Variants in TCF24 observed in about 807,000 individuals in gnomAD.
TCF24 encodes the protein transcription factor 24.
TCF24 carries 5 observed loss-of-function variants against 9.3 expected under a neutral mutation model. The observed-to-expected ratio is 0.54, with a 90% CI of 0.28 to 1.13. TCF24 has a LOEUF of 1.13. Among genes scored for constraint, TCF24 ranks in the 50% most tolerant of loss-of-function variants. The pLI is 0.09. For synonymous variants in TCF24, 110 were observed against 115.8 expected (o/e 0.95, Z 0.32); for missense variants, 220 against 236.1 (o/e 0.93, Z 0.45).
At chr8:66,953,065 TC>T (rs1425454443) in intron 3 of TCF24, among the ~76,000 whole-genome samples, 1 of 142,080 alleles carries the variant, frequency 7.0e-6, no homozygotes, top group Admixed American at 7.2e-5. Context: ...CCAGTCTGTG[TC>T]TTTTAATTGG....
chr8:66,954,681 C>T lies in TCF24; in HGVS notation c.391-6517G>A, dbSNP rs1240901482. Among the ~76,000 whole-genome samples the T allele has an allele frequency of 2.0e-5, 3 of 152,220 alleles. No homozygotes were observed. In the East Asian group the frequency reaches 5.8e-4, roughly 29 times the overall value. On this transcript the variant is annotated intron_variant, in intron 3 of 3. Transcript: ENST00000563496. ...AGCAAGCCTGGGCAATGGCGGGCGCCCCTCCCCCAGCCTCGCTGCCGCCTT... is the reference window on the plus strand; with the variant it reads ...AGCAAGCCTGGGCAATGGCGGGCGCTCCTCCCCCAGCCTCGCTGCCGCCTT...
At chr8:66,953,047 C>A (rs1168286842) in intron 3 of TCF24, among the ~76,000 whole-genome samples, 4 of 138,862 alleles carry the variant, frequency 2.9e-5, no homozygotes, top group African/African-American at 1.1e-4. Flanking sequence ...GACTCTTTAT[C>A]CAATTTGCCA....
intron 3 of TCF24, among the ~76,000 whole-genome samples, chr8:66,949,950 G>T (rs1554536514): frequency 6.9e-6 from 1 of 144,196 alleles, no homozygotes; most frequent in Non-Finnish European, 1.5e-5. Flanking sequence ...TTTTGATGGG[G>T]TTGTTTGTTT....
chr8:66,954,695 C>G (rs1369361407), intron 3 of TCF24, among the ~76,000 whole-genome samples: 3 of 152,222 alleles, frequency 2.0e-5, no homozygotes, highest in East Asian at 3.9e-4. Flanking sequence ...CCCCCAGCCT[C>G]GCTGCCGCCT....
At chr8:66,962,043 C>CA (rs1301270447) in intron 1 of TCF24, 56 bp from the exon 2 acceptor site, 3 of 157,946 alleles carry the variant, frequency 1.9e-5, no homozygotes, top group African/African-American at 7.2e-5. Flanking sequence ...GCAAATTAAG[C>CA]AAAAGGTCTA....
chr8:66,946,656 A>G lies in TCF24; in HGVS notation c.*1395T>C, dbSNP rs1585938803. On this transcript the variant is annotated 3_prime_UTR_variant, in exon 4 of 4. Transcript: ENST00000563496. ...ACCTATCATCATATCTAGCAATTTA[A>G]TAAAATGTTATGAAAATCTGTAACA... is the stretch of plus-strand genomic sequence containing the variant. 2.0e-5 allele frequency: 3 copies of G among 152,308 alleles called. No homozygotes were observed. In the South Asian group the frequency reaches 6.2e-4, roughly 32 times the overall value. The allele number at this position is 152,308 out of a possible 1,614,324, so 9.4% of individuals were successfully genotyped here. A position where few individuals can be genotyped will look rare whatever the true frequency, so the allele number is the denominator to read the frequency against.
chr8:66,950,182 A>G (rs375988360), intron 3 of TCF24, among the ~76,000 whole-genome samples: 13 of 149,396 alleles, frequency 8.7e-5, no homozygotes, highest in Non-Finnish European at 1.0e-4. Flanking sequence ...GTCCTTGCCC[A>G]TGCCTATGTC....
At chr8:66,959,374 G>C (rs1369708958) in intron 3 of TCF24, among the ~76,000 whole-genome samples, 3 of 152,156 alleles carry the variant, frequency 2.0e-5, no homozygotes, top group African/African-American at 7.2e-5. Flanking sequence ...GACCATAAAA[G>C]TATAAATAGT....
intron 3 of TCF24, among the ~76,000 whole-genome samples, chr8:66,953,933 G>C (rs1230626773): frequency 1.3e-5 from 2 of 151,362 alleles, no homozygotes; most frequent in South Asian, 4.2e-4. Flanking sequence ...TCGAGCCTTG[G>C]TTTTCAGCTC....
rs1056415562 is a variant in TCF24, at chr8:66,961,582, C to G, written c.184G>C (p.Val62Leu). The G allele has an allele frequency of 5.7e-6, 8 of 1,402,552 alleles. No homozygotes were observed. Among genetic ancestry groups the G allele is most frequent in the Non-Finnish European group, 6.5e-6 (7 of 1,077,220 alleles). 86.9% of individuals were successfully genotyped at this position (1,402,552 alleles called of 1,614,324 possible). A position where few individuals can be genotyped will look rare whatever the true frequency, so the allele number is the denominator to read the frequency against. The change falls in exon 3 of 4, where the codon GTG (valine) becomes CTG (leucine). Residue 62 changes from valine to leucine, a missense_variant. Physicochemically the swap from Val to Leu is conservative, Grantham distance 32 (BLOSUM62 1). Transcript: ENST00000563496. ...AANAARERSR[V>L]QTLRHAFLEL... ...AGGAAAGCGTGCCGCAGGGTCTGCA[C>G]CCGGCTGCGCTCCCGCGCCGCATTC...
chr8:66,949,425 G>A (rs915276874), intron 3 of TCF24, among the ~76,000 whole-genome samples: 7 of 152,100 alleles, frequency 4.6e-5, no homozygotes, highest in Non-Finnish European at 8.8e-5. Context: ...CCCTACAAAG[G>A]ACATGAACTC....
intron 3 of TCF24, 54 bp downstream of exon 3, chr8:66,961,322 G>C (rs1391635033): frequency 7.2e-7 from 1 of 1,392,508 alleles, no homozygotes; most frequent in African/African-American, 1.5e-5. Flanking sequence ...TGGCAGGGCA[G>C]ATCAAGGTGT....
At chr8:66,949,133 T>C (rs1168972487) in intron 3 of TCF24, among the ~76,000 whole-genome samples, 1 of 152,172 alleles carries the variant, frequency 6.6e-6, no homozygotes, top group East Asian at 1.9e-4. Context: ...CTTTAAGTTT[T>C]AGGGTACATG....
intron 3 of TCF24, among the ~76,000 whole-genome samples, chr8:66,952,690 T>C (rs988727389): frequency 1.6e-4 from 24 of 148,536 alleles, no homozygotes; most frequent in African/African-American, 2.7e-4. Flanking sequence ...ATGTTGACAG[T>C]GGGGTGTTAA....
intron 3 of TCF24, among the ~76,000 whole-genome samples, chr8:66,952,707 C>T (rs1170545807): frequency 7.4e-5 from 11 of 147,936 alleles, no homozygotes; most frequent in African/African-American, 2.7e-4. Flanking sequence ...TTAAAGTCTC[C>T]CATTATTAAT....
intron 3 of TCF24, among the ~76,000 whole-genome samples, chr8:66,954,404 T>C (rs1814114457): frequency 6.6e-6 from 1 of 152,114 alleles, no homozygotes; most frequent in Non-Finnish European, 1.5e-5. Context: ...GTTAGGCTGC[T>C]CGGGGGTCAG....
intron 3 of TCF24, among the ~76,000 whole-genome samples, chr8:66,957,895 T>TAAAAAAAAAAAAA (rs11299517): frequency 2.3e-5 from 1 of 43,036 alleles, no homozygotes; most frequent in Admixed American, 3.5e-4. Flanking sequence ...TAAGAATTGC[T>TAAAAAAAAAAAAA]AAAAAAAAAA....
intron 3 of TCF24, among the ~76,000 whole-genome samples, chr8:66,950,418 T>C (rs1336417256): frequency 2.6e-5 from 4 of 152,048 alleles, no homozygotes; most frequent in African/African-American, 4.8e-5. Flanking sequence ...GTTGTAGATA[T>C]GCGGCGTTAT....
In TCF24 at chr8:66,954,948, T is replaced by C. The variant is rs1814129008; in HGVS notation, c.390+6428A>G. The C allele has an allele frequency of 4.5e-5, 7 of 154,194 alleles. No individual in the cohort carries two copies. The South Asian group carries it at 6.1e-4, about 13-fold the overall frequency. 9.6% of individuals were successfully genotyped at this position (154,194 alleles called of 1,614,324 possible). The stretch of plus-strand genomic sequence containing the variant: ...AGTGAGGCAATGCCTCGCCCTGCCT[T>C]GGCTCGCACACGGTGCGCGCACCCA... On this transcript the variant is annotated intron_variant, in intron 3 of 3. Coordinates refer to ENST00000563496, the MANE Select transcript of TCF24 (RefSeq NM_001193502.2).
Sources: allele counts gnomAD v4.1 joint callset (sites outside exome capture counted in the v4.1 genomes callset), GRCh38; gene constraint gnomAD v4.1.1; transcripts MANE v1.5; gene names NCBI Gene and HGNC (gene_info 2026-07-23, HGNC 2026-07-21).